The following MYO10 variants were observed in gnomAD, a reference collection of about 807,000 sequenced individuals.
The protein encoded by MYO10 is myosin X.
MYO10 carries 133 observed loss-of-function variants against 257.3 expected under a neutral mutation model. That is an observed-to-expected ratio of 0.52 (90% confidence interval 0.45 to 0.60). MYO10 has a LOEUF of 0.60. Among genes scored for constraint, MYO10 ranks in the 20% least tolerant of loss-of-function variants. The pLI, the probability that MYO10 is intolerant of heterozygous loss-of-function variation, is 0.00. For synonymous variants in MYO10, 1,104 were observed against 1,028.6 expected (o/e 1.07, Z -1.40); for missense variants, 2,399 against 2,635.7 (o/e 0.91, Z 1.97).
intron 28 of MYO10, among the ~76,000 whole-genome samples, chr5:16,686,198 A>C (rs1475316744): frequency 6.6e-6 from 1 of 152,178 alleles, no homozygotes; most frequent in African/African-American, 2.4e-5. Context: ...ATCCTTACTT[A>C]AGATATTACT....
intron 28 of MYO10, among the ~76,000 whole-genome samples, chr5:16,688,173 C>G (rs149524354): frequency 6.6e-6 from 1 of 152,130 alleles, no homozygotes; most frequent in Non-Finnish European, 1.5e-5. Context: ...CTCCAGGAGT[C>G]CCAGACAGAA....
intron 1 of MYO10, among the ~76,000 whole-genome samples, chr5:16,912,368 G>A (rs570542367): frequency 5.9e-5 from 9 of 152,220 alleles, no homozygotes; most frequent in South Asian, 2.1e-4. Flanking sequence ...AGTGAGCTCC[G>A]GTGAGCCACA....
At chr5:16,820,629 C>T (rs749565208) in intron 2 of MYO10, among the ~76,000 whole-genome samples, 6 of 152,166 alleles carry the variant, frequency 3.9e-5, no homozygotes, top group Non-Finnish European at 8.8e-5. Flanking sequence ...AACAGCAAGT[C>T]CTTCTCAACG....
chr5:16,830,693 A>ACACT (rs1371029905), intron 2 of MYO10, among the ~76,000 whole-genome samples: 5 of 151,048 alleles, frequency 3.3e-5, no homozygotes, highest in African/African-American at 1.2e-4. Context: ...ACACACACAC[A>ACACT]CACACACAGG....
At chr5:16,786,738 A>G (rs1008912700) in intron 4 of MYO10, among the ~76,000 whole-genome samples, 1 of 152,176 alleles carries the variant, frequency 6.6e-6, no homozygotes, top group South Asian at 2.1e-4. Flanking sequence ...AAGCTGTGCA[A>G]GTAAAACTTG....
At position 16,935,979 on chromosome 5, in the gene MYO10, T is replaced by A. The variant is rs1371677991; in HGVS notation, c.-171A>T. 1 of 763,738 alleles carries A rather than the reference T, an allele frequency of 1.3e-6. No homozygotes were observed. The highest frequency in any genetic ancestry group is 2.1e-6 in the Non-Finnish European group (1 of 466,480). 47.3% of individuals were successfully genotyped at this position (763,738 alleles called of 1,614,324 possible). On this transcript the variant is annotated 5_prime_UTR_variant, in exon 1 of 41. Coordinates refer to ENST00000513610, the MANE Select transcript of MYO10 (RefSeq NM_012334.3). ...CCTTCTTGTCCTTCTCACCTTTTGT[T>A]CGCCCAAACCCAAGTCCCTAACTCG...
At chr5:16,816,064 G>A (rs1476169313) in intron 3 of MYO10, among the ~76,000 whole-genome samples, 20 of 151,246 alleles carry the variant, frequency 1.3e-4, no homozygotes, top group Non-Finnish European at 2.7e-4. Flanking sequence ...AAAAAAGGGC[G>A]GGGCACAGTG....
At chr5:16,791,138 C>G (rs1469073489) in intron 4 of MYO10, among the ~76,000 whole-genome samples, 1 of 152,080 alleles carries the variant, frequency 6.6e-6, no homozygotes, top group Non-Finnish European at 1.5e-5. Flanking sequence ...AAAAATTGAT[C>G]TATGAAGTCC....
intron 34 of MYO10, among the ~76,000 whole-genome samples, chr5:16,675,407 T>C (rs1736678962): frequency 6.6e-6 from 1 of 152,114 alleles, no homozygotes; most frequent in Non-Finnish European, 1.5e-5. Context: ...CTGAACAAAA[T>C]CCTTTTTTGG....
At chr5:16,806,499 T>C (rs1742280772) in intron 3 of MYO10, among the ~76,000 whole-genome samples, 1 of 151,762 alleles carries the variant, frequency 6.6e-6, no homozygotes, top group South Asian at 2.1e-4. Flanking sequence ...AAAAATTAGC[T>C]GGGCGTGGTG....
intron 2 of MYO10, among the ~76,000 whole-genome samples, chr5:16,854,940 G>A (rs896414414): frequency 6.6e-6 from 1 of 152,034 alleles, no homozygotes; most frequent in Non-Finnish European, 1.5e-5. Flanking sequence ...GGCTGAGGCA[G>A]GAGAACTGCC....
chr5:16,702,916 G>A lies in MYO10; in HGVS notation c.2510+9C>T. 1.3e-6 allele frequency: 2 copies of A among 1,548,312 alleles called. No homozygotes were observed. The highest frequency in any genetic ancestry group is 1.7e-6 in the Non-Finnish European group (2 of 1,144,258). On this transcript the variant is annotated intron_variant, in intron 23 of 40. Transcript: ENST00000513610. ...CATTTGTTTCATCCCAGCAAGAAAG[G>A]TACTGTACCTTTCTTCTTCCTCCCG... is the stretch of plus-strand genomic sequence containing the variant.
intron 36 of MYO10, among the ~76,000 whole-genome samples, chr5:16,673,451 A>C (rs1425038065): frequency 1.3e-5 from 2 of 152,122 alleles, no homozygotes; most frequent in African/African-American, 4.8e-5. Context: ...TCAGATTAGC[A>C]AGATTATGTC....
intron 36 of MYO10, 121 bp downstream of exon 36, chr5:16,673,561 G>T: frequency 1.0e-6 from 1 of 972,416 alleles, no homozygotes; most frequent in Non-Finnish European, 1.5e-6. Flanking sequence ...AGTATTGAGA[G>T]CTGTACTAAG....
chr5:16,858,894 G>A (rs965290958), intron 2 of MYO10, among the ~76,000 whole-genome samples: 1 of 152,270 alleles, frequency 6.6e-6, no homozygotes, highest in Non-Finnish European at 1.5e-5. Context: ...GGAGGTGGAG[G>A]TGGCAGTGAG....
intron 3 of MYO10, among the ~76,000 whole-genome samples, chr5:16,800,535 T>G (rs182494186): frequency 3.3e-5 from 5 of 152,354 alleles, no homozygotes; most frequent in African/African-American, 1.2e-4. Flanking sequence ...TTACCCAGGT[T>G]AGGAACCTGA....
At chr5:16,858,109 G>A (rs901582383) in intron 2 of MYO10, among the ~76,000 whole-genome samples, 8 of 152,294 alleles carry the variant, frequency 5.3e-5, no homozygotes, top group South Asian at 4.1e-4. Flanking sequence ...TCCACAAGAC[G>A]CTACCTGCTG....
At chr5:16,822,266 A>G (rs1466713797) in intron 2 of MYO10, among the ~76,000 whole-genome samples, 1 of 90,626 alleles carries the variant, frequency 1.1e-5, no homozygotes, top group South Asian at 4.0e-4. Context: ...TAAAAGTTGG[A>G]AAAAAAAAAC....
At position 16,674,968 on chromosome 5, in the gene MYO10, CTT is replaced by C. The variant is rs1736657191; in HGVS notation, c.4847_4848del (p.Lys1616SerfsTer61). ...LYCQLIKQTN[K>X]VPHPGSVGNL... is the part of the protein sequence containing the mutation. ...TTGCCCACACTGCCGGGGTGGGGCACTTTGTTGGTCTGTTTGATAAGCTGGCA... is the reference window on the plus strand; with the variant it reads ...TTGCCCACACTGCCGGGGTGGGGCACTGTTGGTCTGTTTGATAAGCTGGCA... On this transcript the variant is annotated frameshift_variant, in exon 35 of 41. Transcript: ENST00000513610. LOFTEE classifies it high-confidence loss of function. The C allele has an allele frequency of 6.2e-7, 1 of 1,613,966 alleles. No individual in the cohort carries two copies. Among genetic ancestry groups the C allele is most frequent in the Non-Finnish European group, 8.5e-7 (1 of 1,179,894 alleles).
Sources: allele counts gnomAD v4.1 joint callset (sites outside exome capture counted in the v4.1 genomes callset), GRCh38; gene constraint gnomAD v4.1.1; transcripts MANE v1.5; gene names NCBI Gene and HGNC (gene_info 2026-07-23, HGNC 2026-07-21).